The following SLC12A9 variants were observed in gnomAD, a reference collection of about 807,000 sequenced individuals.
SLC12A9 encodes the protein CCC-interacting protein 1.
SLC12A9 carries 55 observed loss-of-function variants against 66.0 expected under a neutral mutation model. That is an observed-to-expected ratio of 0.83 (90% CI 0.67 to 1.04). The LOEUF is 1.04. SLC12A9 is among the 50% of genes least tolerant of loss of function. The pLI is 0.00. For missense variants in SLC12A9, 1,061 were observed against 1,241.9 expected (o/e 0.85, Z 2.19); for synonymous variants, 577 against 569.0 (o/e 1.01, Z -0.20).
chr7:100,848,633 T>C (rs1813974513), upstream of SLC12A9, among the ~76,000 whole-genome samples: 1 of 152,152 alleles, frequency 6.6e-6, no homozygotes, highest in Non-Finnish European at 1.5e-5. Context: ...ACGCCTGTAA[T>C]TCCAGCACTT....
upstream of SLC12A9, among the ~76,000 whole-genome samples, chr7:100,848,231 G>A (rs1015228416): frequency 2.0e-5 from 3 of 152,010 alleles, no homozygotes; most frequent in East Asian, 1.9e-4. Flanking sequence ...TGGGCCGGGT[G>A]CGGTGGCTCA....
chr7:100,859,105 C>T lies in SLC12A9; in HGVS notation c.921C>T (p.Ala307=), dbSNP rs1814583635. 6.2e-7 allele frequency: 1 copy of T among 1,614,000 alleles called. No homozygotes were observed. The highest frequency in any genetic ancestry group is 1.3e-5 in the African/African-American group (1 of 74,930). The change falls in exon 7 of 14, where the codon GCC becomes GCT. Residue 307 remains alanine (A), a synonymous_variant. Transcript: ENST00000354161. ...AIPLGTIVAV[A]YTFFVYVLLF... ...CTCTGGGCACGATCGTCGCCGTCGC[C>T]TACACCTTCTTCGTCTATGTCCTGC...
chr7:100,845,582 CT>C (rs1235534838), intron 1 of SLC12A9, among the ~76,000 whole-genome samples: 2 of 152,158 alleles, frequency 1.3e-5, no homozygotes, highest in Non-Finnish European at 2.9e-5. Context: ...ATCTCCTGCC[CT>C]TGTGATCCAC....
At chr7:100,846,643 C>G (rs533864662) in intron 1 of SLC12A9, among the ~76,000 whole-genome samples, 2 of 151,912 alleles carry the variant, frequency 1.3e-5, no homozygotes, top group African/African-American at 4.8e-5. Flanking sequence ...GAATCACTAT[C>G]GATCTGTCGT....
intron 1 of SLC12A9, among the ~76,000 whole-genome samples, chr7:100,845,826 C>T (rs139665273): frequency 7.4e-4 from 112 of 152,244 alleles, no homozygotes; most frequent in Non-Finnish European, 1.3e-3. Context: ...AGACACAAGA[C>T]GGCTCGTGAA....
intron 1 of SLC12A9, among the ~76,000 whole-genome samples, chr7:100,839,945 G>T (rs114346872): frequency 6.8e-6 from 1 of 147,476 alleles, no homozygotes; most frequent in Non-Finnish European, 1.5e-5. Context: ...GCGAGACTCC[G>T]TCTCAAAAAA....
chr7:100,854,519 G>C, intron 2 of SLC12A9, 101 bp from the exon 3 acceptor site: 1 of 1,597,878 alleles, frequency 6.3e-7, no homozygotes, highest in Non-Finnish European at 8.5e-7. Context: ...GGGGCTCTCT[G>C]TGGGCTTGCA....
upstream of SLC12A9, among the ~76,000 whole-genome samples, chr7:100,849,552 C>A (rs1814010866): frequency 6.6e-6 from 1 of 151,678 alleles, no homozygotes; most frequent in Non-Finnish European, 1.5e-5. Context: ...CCTGTCTCTG[C>A]TAAAAATACA....
At chr7:100,848,866 A>G (rs971624535), upstream of SLC12A9, among the ~76,000 whole-genome samples, 4 of 151,884 alleles carry the variant, frequency 2.6e-5, no homozygotes, top group Non-Finnish European at 4.4e-5. Context: ...AGCCTGGGTG[A>G]CAGAGCTAGA....
At chr7:100,854,115 T>C (rs980748470) in intron 1 of SLC12A9, 41 bp from the exon 2 acceptor site, 3 of 1,334,482 alleles carry the variant, frequency 2.2e-6, no homozygotes, top group Middle Eastern at 2.7e-4. Flanking sequence ...GTGGGCGAGC[T>C]CTGTGGGGGA....
intron 1 of SLC12A9, among the ~76,000 whole-genome samples, chr7:100,841,495 A>G (rs1451494115): frequency 6.6e-6 from 1 of 152,194 alleles, no homozygotes; most frequent in Non-Finnish European, 1.5e-5. Flanking sequence ...ATGTAAACAT[A>G]TTAGCTAAAG....
chr7:100,834,895 G>T (rs1813618157), intron 1 of SLC12A9, among the ~76,000 whole-genome samples: 1 of 152,134 alleles, frequency 6.6e-6, no homozygotes, highest in East Asian at 1.9e-4. Flanking sequence ...GCTGGGCACA[G>T]TGGCTCACGC....
At chr7:100,860,553 C>T in intron 9 of SLC12A9, 1 of 387,772 alleles carries the variant, frequency 2.6e-6, no homozygotes, top group African/African-American at 2.1e-5. Context: ...GTGGGGTGCC[C>T]CAGCACTTTG....
intron 13 of SLC12A9, among the ~76,000 whole-genome samples, chr7:100,863,246 G>A (rs180870654): frequency 1.3e-5 from 2 of 152,062 alleles, no homozygotes; most frequent in African/African-American, 4.8e-5. Context: ...TGTATTTTTA[G>A]TAGAGATGGG....
At chr7:100,847,297 G>T (rs1813940141) in intron 1 of SLC12A9, among the ~76,000 whole-genome samples, 1 of 152,240 alleles carries the variant, frequency 6.6e-6, no homozygotes, top group South Asian at 2.1e-4. Flanking sequence ...ACCGCGCCCA[G>T]CCGGGAGATG....
chr7:100,864,941 A>G (rs905724743), intron 13 of SLC12A9, among the ~76,000 whole-genome samples: 2 of 152,146 alleles, frequency 1.3e-5, no homozygotes, highest in Non-Finnish European at 2.9e-5. Flanking sequence ...CAGTAAACAT[A>G]CGGGGTAGCC....
chr7:100,849,339 G>C (rs1562985415), upstream of SLC12A9, among the ~76,000 whole-genome samples: 1 of 150,676 alleles, frequency 6.6e-6, no homozygotes, highest in African/African-American at 2.4e-5. Context: ...CAACCTCCCA[G>C]ATTCACTCTA....
rs958477943 is a variant in SLC12A9 at position 100,860,891 on chromosome 7, T to C, written c.1219-247T>C. 9 of 624,308 alleles carry C rather than the reference T, an allele frequency of 1.4e-5. No homozygotes were observed. In the Admixed American group the frequency reaches 1.6e-4, roughly 11 times the overall value. 38.7% of individuals were successfully genotyped at this position (624,308 alleles called of 1,614,324 possible). A position where few individuals can be genotyped will look rare whatever the true frequency, so the allele number is the denominator to read the frequency against. ...ACTGACACTGGGGATACACTGGCAC[T>C]TTTGGGGTTTAATAGCATTTTAGGG... On this transcript the variant is annotated intron_variant, in intron 9 of 13. Transcript: ENST00000354161.
At chr7:100,829,321 G>C (rs1813496578) in intron 1 of SLC12A9, among the ~76,000 whole-genome samples, 1 of 152,104 alleles carries the variant, frequency 6.6e-6, no homozygotes. Context: ...CAGCAAGAGA[G>C]ACGTTGGAGC....
Sources: allele counts gnomAD v4.1 joint callset (sites outside exome capture counted in the v4.1 genomes callset), GRCh38; gene constraint gnomAD v4.1.1; transcripts MANE v1.5; gene names NCBI Gene and HGNC (gene_info 2026-07-23, HGNC 2026-07-21).